MYH10: variants seen among roughly 807,000 people sequenced by gnomAD.
The protein encoded by MYH10 is myosin-10.
In MYH10, 55 loss-of-function variants were observed where a neutral mutation model predicts 257.8. That is an observed-to-expected ratio of 0.21 (90% CI 0.17 to 0.27). The LOEUF is 0.27. MYH10 is among the 10% of genes least tolerant of loss of function. MYH10 has a pLI of 1.00. For missense variants in MYH10, 1,631 were observed against 2,500.6 expected, an observed-to-expected ratio of 0.65 and a Z score of 7.42; for synonymous variants, 854 against 921.7, an observed-to-expected ratio of 0.93 and a Z score of 1.33.
At chr17:8,576,717 T>C in intron 5 of MYH10, 45 bp from the exon 6 acceptor site, 1 of 1,540,510 alleles carries the variant, frequency 6.5e-7, no homozygotes, top group South Asian at 1.2e-5. Context: ...CAAGTTTGAG[T>C]CTTTGCCTAG....
At chr17:8,619,419 G>A (rs1025104574) in intron 2 of MYH10, among the ~76,000 whole-genome samples, 1 of 152,090 alleles carries the variant, frequency 6.6e-6, no homozygotes, top group Admixed American at 6.6e-5. Context: ...TGACATATTC[G>A]TATTGTTATA....
chr17:8,485,664 C>CAA (rs2151795752), intron 36 of MYH10, among the ~76,000 whole-genome samples: 1 of 152,250 alleles, frequency 6.6e-6, no homozygotes, highest in African/African-American at 2.4e-5. Flanking sequence ...TGGTTACAAT[C>CAA]AAAAGATGGA....
chr17:8,519,733 A>G (rs2081587049), intron 19 of MYH10, among the ~76,000 whole-genome samples: 1 of 152,144 alleles, frequency 6.6e-6, no homozygotes, highest in Non-Finnish European at 1.5e-5. Context: ...GAAAGGGCAC[A>G]AAGACCATTC....
intron 7 of MYH10, among the ~76,000 whole-genome samples, chr17:8,555,062 C>G (rs796131412): frequency 6.6e-6 from 1 of 151,956 alleles, no homozygotes; most frequent in Admixed American, 6.6e-5. Flanking sequence ...CGAGATCACA[C>G]CACTGCACTC....
rs1044284789 is a variant in MYH10 at position 8,480,397 on chromosome 17, G to A, written c.5388+5C>T. The stretch of plus-strand genomic sequence containing the variant: ...CCCTGGGTGACGGGCTCCTGCATGG[G>A]CCACCTGTAGAGTGGTCTTGCGGAA... On this transcript the variant is annotated splice_donor_5th_base_variant and intron_variant, in intron 39 of 42. Coordinates refer to ENST00000360416, the MANE Select transcript of MYH10 (RefSeq NM_001256012.3). 1 of 1,613,160 alleles carries A rather than the reference G, an allele frequency of 6.2e-7. No individual in the cohort carries two copies. The highest frequency in any genetic ancestry group is 1.1e-5 in the South Asian group (1 of 91,076).
chr17:8,513,547 C>A lies in MYH10; in HGVS notation c.2736G>T (p.Lys912Asn), dbSNP rs1364855119. The A allele has an allele frequency of 6.2e-7, 1 of 1,613,914 alleles. No individual in the cohort carries two copies. Among genetic ancestry groups the A allele is most frequent in the Admixed American group, 1.7e-5 (1 of 59,994 alleles). The change falls in exon 23 of 43, where the codon AAG becomes AAT. Residue 912 changes from lysine (K) to asparagine (N), a missense_variant. By Grantham distance (94) the Lys-to-Asn change is moderately conservative. Around this residue, in one of 11 missense-constraint regions of MYH10, gnomAD observed 116 missense variants for 221.6 expected, o/e 0.52. Transcript: ENST00000360416. ...AGGTCACTGCACACACCTGCTGGTG[C>A]TTCCGCTCCATCTCCTCCAGCTCTC... The part of the protein sequence containing the change: ...VEGELEEMER[K>N]HQQLLEEKNI...
At chr17:8,624,768 C>A (rs2085606971) in intron 1 of MYH10, among the ~76,000 whole-genome samples, 1 of 152,178 alleles carries the variant, frequency 6.6e-6, no homozygotes, top group Non-Finnish European at 1.5e-5. Context: ...CACATTCAAC[C>A]AACTTCTGGG....
chr17:8,528,159 T>C (rs1275983377), intron 17 of MYH10, among the ~76,000 whole-genome samples: 1 of 152,198 alleles, frequency 6.6e-6, no homozygotes, highest in Admixed American at 6.5e-5. Flanking sequence ...GCCTAACTGG[T>C]GCTGTTCTAT....
In MYH10 at chr17:8,477,137, T is replaced by C; in HGVS notation, c.5707-89A>G. 1.4e-6 allele frequency: 2 copies of C among 1,472,820 alleles called. No homozygotes were observed. Among genetic ancestry groups the C allele is most frequent in the Non-Finnish European group, 1.9e-6 (2 of 1,072,620 alleles). 91.2% of individuals were successfully genotyped at this position (1,472,820 alleles called of 1,614,324 possible). A position where few individuals can be genotyped will look rare whatever the true frequency, so the allele number is the denominator to read the frequency against. On this transcript the variant is annotated intron_variant, in intron 41 of 42. Coordinates refer to ENST00000360416, the MANE Select transcript of MYH10 (RefSeq NM_001256012.3). The surrounding 1 kb of genome is among the most constrained non-coding windows in gnomAD (Gnocchi z 4.2). Reference sequence around the variant, plus strand: ...CCCCGAGCGTGGCAGTGTGGGGCTCTGCCTGTTACCCTTGTGAGCACGCGT... The same window carrying C: ...CCCCGAGCGTGGCAGTGTGGGGCTCCGCCTGTTACCCTTGTGAGCACGCGT...
chr17:8,601,157 G>T (rs1005831449), intron 3 of MYH10, among the ~76,000 whole-genome samples: 1 of 152,138 alleles, frequency 6.6e-6, no homozygotes, highest in Non-Finnish European at 1.5e-5. Flanking sequence ...CAGGTCAACC[G>T]GGGTTGGTAG....
At chr17:8,532,655 AAAG>A (rs1331225718) in intron 16 of MYH10, among the ~76,000 whole-genome samples, 1 of 152,196 alleles carries the variant, frequency 6.6e-6, no homozygotes, top group Non-Finnish European at 1.5e-5. Flanking sequence ...ACCTTAAATT[AAAG>A]AAGAAAGGAA....
intron 3 of MYH10, among the ~76,000 whole-genome samples, chr17:8,604,181 T>C (rs934431791): frequency 5.3e-5 from 8 of 152,108 alleles, no homozygotes; most frequent in Admixed American, 4.6e-4. Flanking sequence ...TTACAGAAGA[T>C]TGGGTTTTCA....
intron 16 of MYH10, among the ~76,000 whole-genome samples, chr17:8,532,287 A>G (rs1252052760): frequency 6.6e-6 from 1 of 152,214 alleles, no homozygotes; most frequent in Non-Finnish European, 1.5e-5. Context: ...ATATCTCTGG[A>G]AAGACAAGGG....
At chr17:8,563,920 G>A (rs1206227625) in intron 7 of MYH10, among the ~76,000 whole-genome samples, 2 of 149,982 alleles carry the variant, frequency 1.3e-5, no homozygotes, top group East Asian at 1.9e-4. Flanking sequence ...GAGAGAGAAA[G>A]AAAATAAAAG....
intron 35 of MYH10, among the ~76,000 whole-genome samples, chr17:8,489,708 A>AACACAC (rs59065540): frequency 1.7e-4 from 16 of 93,084 alleles, no homozygotes; most frequent in African/African-American, 5.9e-4. Context: ...CGTCTGAAAA[A>AACACAC]ACACACACAC....
chr17:8,501,877 A>C (rs2080908000), intron 28 of MYH10, among the ~76,000 whole-genome samples: 1 of 152,180 alleles, frequency 6.6e-6, no homozygotes, highest in South Asian at 2.1e-4. Flanking sequence ...TAACAAATAC[A>C]GGGTAACTTG....
chr17:8,481,061 C>T (rs1913683116), intron 38 of MYH10, among the ~76,000 whole-genome samples: 1 of 53,778 alleles, frequency 1.9e-5, no homozygotes, highest in African/African-American at 5.7e-5. Context: ...CCCGTTGGCG[C>T]ACCCCACGGC....
intron 1 of MYH10, among the ~76,000 whole-genome samples, chr17:8,627,546 G>A (rs1279328910): frequency 1.3e-5 from 2 of 152,146 alleles, no homozygotes; most frequent in Non-Finnish European, 2.9e-5. Flanking sequence ...CAGCTGTTAA[G>A]TGTTCATATT....
intron 41 of MYH10, 167 bp downstream of exon 41, chr17:8,478,171 T>C (rs1913016296): frequency 4.8e-6 from 3 of 626,650 alleles, no homozygotes; most frequent in East Asian, 5.5e-5. Context: ...CCCGCCCTCC[T>C]GTGTCTCGGG....
Sources: allele counts gnomAD v4.1 joint callset (sites outside exome capture counted in the v4.1 genomes callset), GRCh38; gene constraint gnomAD v4.1.1; regional missense constraint gnomAD v4.1.1; non-coding constraint Gnocchi (gnomAD v3.1); transcripts MANE v1.5; gene names NCBI Gene and HGNC (gene_info 2026-07-23, HGNC 2026-07-21).